The following ADRA1D variants were observed in gnomAD, a reference collection of about 807,000 sequenced individuals.
ADRA1D encodes the protein adrenoceptor alpha 1D.
ADRA1D carries 22 observed loss-of-function variants against 18.6 expected under a neutral mutation model. The ratio of observed to expected loss-of-function variants is 1.19; its 90% CI spans 0.85 to 1.69. The LOEUF (loss-of-function observed/expected upper bound fraction) is 1.69. Among genes scored for constraint, ADRA1D ranks in the 40% most tolerant of loss-of-function variants. The pLI is 0.00. For synonymous variants in ADRA1D, 376 were observed against 388.2 expected, an observed-to-expected ratio of 0.97 and a Z score of 0.37; for missense variants, 840 against 840.7, an observed-to-expected ratio of 1.00 and a Z score of 0.01.
intron 1 of ADRA1D, among the ~76,000 whole-genome samples, chr20:4,241,907 T>C (rs1450182107): frequency 1.3e-5 from 2 of 152,190 alleles, no homozygotes; most frequent in African/African-American, 2.4e-5. Flanking sequence ...AGGCATAACA[T>C]GTAGACAGTC....
intron 1 of ADRA1D, among the ~76,000 whole-genome samples, chr20:4,240,592 G>T (rs1473467546): frequency 2.6e-5 from 4 of 152,088 alleles, no homozygotes; most frequent in African/African-American, 9.7e-5. Context: ...TCAGGAGTTT[G>T]ATATCAGCCT....
chr20:4,221,337 C>T lies in ADRA1D; in HGVS notation c.*186G>A, dbSNP rs709024. 273,632 of 624,278 alleles carry T rather than the reference C, an allele frequency of 0.44. 63,179 individuals are homozygous for T. The highest frequency in any genetic ancestry group is 0.67 in the East Asian group (21,081 of 31,504). 38.7% of individuals were successfully genotyped at this position (624,278 alleles called of 1,614,324 possible). A position where few individuals can be genotyped will look rare whatever the true frequency, so the allele number is the denominator to read the frequency against. ...CACCTGAGTCCAGCAGGGGGCCCCA[C>T]TACTTTTCACCTTTCAAGGGCTCCA... On this transcript the variant is annotated 3_prime_UTR_variant, in exon 2 of 2. Coordinates refer to ENST00000379453, the MANE Select transcript of ADRA1D (RefSeq NM_000678.4).
At position 4,248,131 on chromosome 20, in the gene ADRA1D, C is replaced by T. The variant is rs1346709984; in HGVS notation, c.827G>A (p.Arg276His). The change falls in exon 1 of 2, where the codon CGC (arginine) becomes CAC (histidine). Residue 276 changes from arginine (R) to histidine (H), a missense_variant. Coordinates refer to ENST00000379453, the MANE Select transcript of ADRA1D (RefSeq NM_000678.4). Reference sequence around the variant, plus strand: ...GGTGCTGCGCGCGACCACGTACACGCGGCAGTACATGACCACGATGACCGC... The same window carrying T: ...GGTGCTGCGCGCGACCACGTACACGTGGCAGTACATGACCACGATGACCGC... The part of the protein sequence containing the change: ...PMAVIVVMYC[R>H]VYVVARSTTR... 6.4e-7 allele frequency: 1 copy of T among 1,570,592 alleles called. No individual in the cohort carries two copies. Among genetic ancestry groups the T allele is most frequent in the South Asian group, 1.2e-5 (1 of 85,930 alleles).
chr20:4,226,331 T>C (rs1980799219), intron 1 of ADRA1D, among the ~76,000 whole-genome samples: 1 of 152,270 alleles, frequency 6.6e-6, no homozygotes, highest in Non-Finnish European at 1.5e-5. Context: ...TTGTCTTACT[T>C]TGGGCTCTCC....
intron 1 of ADRA1D, among the ~76,000 whole-genome samples, chr20:4,228,476 T>A (rs1178077178): frequency 6.6e-6 from 1 of 152,186 alleles, no homozygotes; most frequent in Non-Finnish European, 1.5e-5. Flanking sequence ...AGGTGCAAGG[T>A]GTGATACAAA....
rs932239899 is a variant in ADRA1D at position 4,223,610 on chromosome 20, G to A, written c.1112-1480C>T. Among the ~76,000 whole-genome samples, 5 of 152,242 alleles carry A rather than the reference G, an allele frequency of 3.3e-5. No individual in the cohort carries two copies. In the South Asian group the frequency reaches 8.3e-4, roughly 25 times the overall value. On this transcript the variant is annotated intron_variant, in intron 1 of 1. Coordinates refer to ENST00000379453, the MANE Select transcript of ADRA1D (RefSeq NM_000678.4). ...AGACAGTCCCTGACTTTGATGGTTC[G>A]ACTTAATTTTTTGACTTTACAATGG...
rs988512995 is a variant in ADRA1D at position 4,243,640 on chromosome 20, C to A, written c.1111+4207G>T. 1.4e-4 allele frequency among the ~76,000 whole-genome samples: 22 copies of A among 152,140 alleles called. 1 individual carries two copies. The highest frequency in any genetic ancestry group is 1.4e-3 in the Admixed American group (21 of 15,278). On this transcript the variant is annotated intron_variant, in intron 1 of 1. Coordinates refer to ENST00000379453, the MANE Select transcript of ADRA1D (RefSeq NM_000678.4). The stretch of plus-strand genomic sequence containing the variant: ...ACTATGCACGGAGCAGGCAGCTCAA[C>A]TGGGCATCACCACGGAACGTGGGCA...
intron 1 of ADRA1D, among the ~76,000 whole-genome samples, chr20:4,227,704 C>CTCCTTCCGTCCCTTCCTTCCTTCCT (rs1555820748): frequency 1.1e-5 from 1 of 92,542 alleles, no homozygotes. Context: ...CCCTCCCTCC[C>CTCCTTCCGTCCCTTCCTTCCTTCCT]TCCTTCCTTC....
intron 1 of ADRA1D, among the ~76,000 whole-genome samples, chr20:4,228,977 A>T (rs1360703660): frequency 6.6e-6 from 1 of 151,990 alleles, no homozygotes. Flanking sequence ...CACCCCTCCC[A>T]GGCCCTCAAC....
chr20:4,245,822 C>T (rs1244210597), intron 1 of ADRA1D, among the ~76,000 whole-genome samples: 1 of 152,126 alleles, frequency 6.6e-6, no homozygotes, highest in African/African-American at 2.4e-5. Flanking sequence ...AAGGGGCGGG[C>T]ACCAACTTTC....
At chr20:4,238,076 C>T (rs1051483706) in intron 1 of ADRA1D, among the ~76,000 whole-genome samples, 2 of 150,154 alleles carry the variant, frequency 1.3e-5, no homozygotes, top group Non-Finnish European at 3.0e-5. Context: ...GGTGAAACCC[C>T]CCCCGTCTCT....
Position 4,249,027 on chromosome 20 carries a change from G to T in ADRA1D, c.-70C>A. ...CGGCCGGCAGGGAGGGGAGCACAGG[G>T]CATAGCCGCGGGGCTCCAGATGCAG... On this transcript the variant is annotated 5_prime_UTR_variant, in exon 1 of 2. Coordinates refer to ENST00000379453, the MANE Select transcript of ADRA1D (RefSeq NM_000678.4). 2 of 1,137,730 alleles carry T rather than the reference G, an allele frequency of 1.8e-6. No individual in the cohort carries two copies. The highest frequency in any genetic ancestry group is 2.2e-6 in the Non-Finnish European group (2 of 909,910). 70.5% of individuals were successfully genotyped at this position (1,137,730 alleles called of 1,614,324 possible). A position where few individuals can be genotyped will look rare whatever the true frequency, so the allele number is the denominator to read the frequency against.
chr20:4,246,085 G>A (rs6052459), intron 1 of ADRA1D, among the ~76,000 whole-genome samples: 130,469 of 151,642 alleles, frequency 0.86, 57,083 homozygotes, highest in Middle Eastern at 0.98. Context: ...CCACGGTTAC[G>A]CAGCTAGCGG....
chr20:4,248,227 C>A lies in ADRA1D; in HGVS notation c.731G>T (p.Arg244Leu), dbSNP rs776320875. 2.7e-5 allele frequency: 43 copies of A among 1,600,990 alleles called. No homozygotes were observed. Among genetic ancestry groups the A allele is most frequent in the Non-Finnish European group, 3.3e-5 (39 of 1,174,200 alleles). The change falls in exon 1 of 2, where the codon CGC (arginine) becomes CTC (leucine). Residue 244 changes from arginine (R) to leucine (L), a missense_variant. Physicochemically the swap from Arg to Leu is moderately radical, Grantham distance 102. Transcript: ENST00000379453. ...CGCCTCCTCGGTGATACCGCAGAAG[C>A]GCTCGTCAGGGGGCACGGGCTCCTT... ...GWKEPVPPDE[R>L]FCGITEEAGY...
chr20:4,243,746 G>T (rs951911745), intron 1 of ADRA1D, among the ~76,000 whole-genome samples: 1 of 152,148 alleles, frequency 6.6e-6, no homozygotes, highest in East Asian at 1.9e-4. Context: ...CTTCCTGGGG[G>T]TCCCAGAGGA....
Position 4,248,291 on chromosome 20 carries a change from C to T in ADRA1D, c.667G>A (p.Val223Ile), listed in dbSNP as rs747498059. 7 of 1,607,926 alleles carry T rather than the reference C, an allele frequency of 4.4e-6. No individual in the cohort carries two copies. The African/African-American group carries it at 5.3e-5, about 12-fold the overall frequency. ...GGCCCTACGGACACCACCAGGGCTA[C>T]GACCCAGAGCAGGGCCAGGATGGCG... ...AAAILALLWV[V>I]ALVVSVGPLL... The change falls in exon 1 of 2, where the codon GTA becomes ATA. Residue 223 changes from valine to isoleucine, a missense_variant. By Grantham distance (29) the Val-to-Ile change is conservative (BLOSUM62 3). Transcript: ENST00000379453.
chr20:4,235,588 G>A (rs1230104547), intron 1 of ADRA1D, among the ~76,000 whole-genome samples: 1 of 152,248 alleles, frequency 6.6e-6, no homozygotes, highest in Non-Finnish European at 1.5e-5. Flanking sequence ...ATCCAAGCAT[G>A]AGCCTCTCGG....
rs1275825384 is a variant in ADRA1D at position 4,245,071 on chromosome 20, G to T, written c.1111+2776C>A. Among the ~76,000 whole-genome samples, 3 of 152,234 alleles carry T rather than the reference G, an allele frequency of 2.0e-5. No individual in the cohort carries two copies. In the East Asian group the frequency reaches 5.8e-4, roughly 29 times the overall value. ...CGTGCCAGCAAGGAGCAAAGGTCAT[G>T]GAAATTAAGGGATGACTTCCTGGAA... On this transcript the variant is annotated intron_variant, in intron 1 of 1. Transcript: ENST00000379453.
At chr20:4,230,331 C>T (rs1038664015) in intron 1 of ADRA1D, among the ~76,000 whole-genome samples, 1 of 152,230 alleles carries the variant, frequency 6.6e-6, no homozygotes, top group African/African-American at 2.4e-5. Flanking sequence ...GAAGACCTCA[C>T]AGGCATATCA....
Sources: allele counts gnomAD v4.1 joint callset (sites outside exome capture counted in the v4.1 genomes callset), GRCh38; gene constraint gnomAD v4.1.1; transcripts MANE v1.5; gene names NCBI Gene and HGNC (gene_info 2026-07-23, HGNC 2026-07-21).